The following RORA variants were observed in gnomAD, a reference collection of about 807,000 sequenced individuals.
The protein encoded by RORA is RAR related orphan receptor A, also known as nuclear receptor ROR-alpha.
RORA carries 7 observed loss-of-function variants against 69.5 expected under a neutral mutation model. The ratio of observed to expected loss-of-function variants is 0.10; its 90% CI spans 0.06 to 0.19. The LOEUF is 0.19. RORA is among the 10% of genes least tolerant of loss of function. The pLI, the probability that RORA is intolerant of heterozygous loss-of-function variation, is 1.00. For synonymous variants in RORA, 261 were observed against 240.8 expected (o/e 1.08, Z -0.78); for missense variants, 457 against 663.0 (o/e 0.69, Z 3.41).
At chr15:60,695,890 G>C (rs537725748) in intron 1 of RORA, among the ~76,000 whole-genome samples, 23 of 152,174 alleles carry the variant, frequency 1.5e-4, no homozygotes, top group African/African-American at 5.1e-4. Context: ...TCAGTCAGGA[G>C]CATCAGTCGC....
intron 1 of RORA, among the ~76,000 whole-genome samples, chr15:61,038,520 A>G (rs1167988278): frequency 6.6e-6 from 1 of 152,238 alleles, no homozygotes; most frequent in Middle Eastern, 3.2e-3. Flanking sequence ...GTTATCAGCC[A>G]ATCAGTCATT....
At chr15:60,782,992 T>C (rs560766933) in intron 1 of RORA, among the ~76,000 whole-genome samples, 1 of 152,300 alleles carries the variant, frequency 6.6e-6, no homozygotes, top group South Asian at 2.1e-4. Flanking sequence ...GCTAAGGAAA[T>C]AATCTGACAG....
chr15:60,554,732 G>C (rs1188796398), intron 2 of RORA, among the ~76,000 whole-genome samples: 1 of 152,142 alleles, frequency 6.6e-6, no homozygotes, highest in Non-Finnish European at 1.5e-5. Flanking sequence ...GAAGCCACTA[G>C]GATCAACAGA....
chr15:60,556,552 G>C (rs1270756843), intron 2 of RORA, among the ~76,000 whole-genome samples: 1 of 152,150 alleles, frequency 6.6e-6, no homozygotes, highest in Non-Finnish European at 1.5e-5. Context: ...TGAGTGTCCA[G>C]GCTATTTTCT....
intron 1 of RORA, among the ~76,000 whole-genome samples, chr15:60,869,858 T>G (rs2073534532): frequency 6.6e-6 from 1 of 152,188 alleles, no homozygotes; most frequent in South Asian, 2.1e-4. Flanking sequence ...TGGTAGTGCA[T>G]CACTGTTCTT....
intron 1 of RORA, among the ~76,000 whole-genome samples, chr15:61,021,849 C>T (rs1045653311): frequency 2.0e-5 from 3 of 152,184 alleles, no homozygotes; most frequent in Non-Finnish European, 4.4e-5. Context: ...GCGGTTCTAG[C>T]CTCCAGGAGA....
intron 1 of RORA, among the ~76,000 whole-genome samples, chr15:61,059,289 C>G (rs145508317): frequency 6.6e-6 from 1 of 152,218 alleles, no homozygotes; most frequent in Non-Finnish European, 1.5e-5. Context: ...TCAAAACAAC[C>G]AAGATCCTTG....
intron 2 of RORA, among the ~76,000 whole-genome samples, chr15:60,565,805 T>C (rs1595984691): frequency 6.6e-6 from 1 of 152,324 alleles, no homozygotes; most frequent in South Asian, 2.1e-4. Flanking sequence ...ACACATCCTC[T>C]CAAAGAACCA....
intron 1 of RORA, among the ~76,000 whole-genome samples, chr15:60,981,391 A>T (rs891086075): frequency 2.0e-5 from 3 of 152,090 alleles, no homozygotes; most frequent in African/African-American, 7.2e-5. Flanking sequence ...TCTTCAAATC[A>T]TGGTTCTACC....
intron 2 of RORA, among the ~76,000 whole-genome samples, chr15:60,649,081 A>T (rs75139241): frequency 0.016 from 2,478 of 152,192 alleles, 80 homozygotes; most frequent in African/African-American, 0.057. Context: ...GTGACTCTGA[A>T]CACAGTATAA....
intron 1 of RORA, among the ~76,000 whole-genome samples, chr15:60,689,362 GC>G (rs1202593824): frequency 6.6e-6 from 1 of 152,192 alleles, no homozygotes; most frequent in Non-Finnish European, 1.5e-5. Context: ...CACTAAGGTG[GC>G]CCCGAGCTTC....
chr15:60,610,013 G>C (rs1312201138), intron 2 of RORA, among the ~76,000 whole-genome samples: 8 of 152,136 alleles, frequency 5.3e-5, no homozygotes, highest in Non-Finnish European at 1.2e-4. Context: ...CAGCTCGAGA[G>C]AGCCGTTTGA....
intron 1 of RORA, among the ~76,000 whole-genome samples, chr15:60,748,051 T>C (rs943093899): frequency 6.6e-6 from 1 of 152,186 alleles, no homozygotes; most frequent in Non-Finnish European, 1.5e-5. Flanking sequence ...GCTCGCCCCA[T>C]GGTCTTAATC....
At chr15:61,151,483 T>C (rs1407721173) in intron 1 of RORA, among the ~76,000 whole-genome samples, 1 of 152,224 alleles carries the variant, frequency 6.6e-6, no homozygotes, top group East Asian at 1.9e-4. Context: ...AATTTTTGGG[T>C]ACCAAATGAA....
chr15:60,516,151 ATATATATATTTATATATATATTT>A (rs1567052040), intron 3 of RORA, among the ~76,000 whole-genome samples: 1,160 of 39,560 alleles, frequency 0.029, 229 homozygotes, highest in East Asian at 0.054. Flanking sequence ...ATATATTTAT[ATATATATATTTATATATATATTT>A]ATATATATAT....
intron 1 of RORA, among the ~76,000 whole-genome samples, chr15:60,930,297 T>C (rs1483119682): frequency 6.6e-6 from 1 of 152,220 alleles, no homozygotes; most frequent in East Asian, 1.9e-4. Flanking sequence ...GAGTGTGCCC[T>C]ATTTAGTCAT....
At chr15:60,923,157 T>G (rs1422519270) in intron 1 of RORA, among the ~76,000 whole-genome samples, 1 of 152,214 alleles carries the variant, frequency 6.6e-6, no homozygotes, top group Non-Finnish European at 1.5e-5. Flanking sequence ...TGCCGTCCTC[T>G]GAAGTCTGAA....
rs200221848 is a variant in RORA at position 60,714,705 on chromosome 15, A to G, written c.167-36019T>C. Among the ~76,000 whole-genome samples the G allele has an allele frequency of 2.0e-5, 3 of 152,138 alleles. No homozygotes were observed. The East Asian group carries it at 5.8e-4, about 29-fold the overall frequency. ...AGAAGGATTTTTCTTCTTACATAGA[A>G]AATTTGTGTTTAAGGGGGATCTTGG... On this transcript the variant is annotated intron_variant, in intron 1 of 10. Coordinates refer to ENST00000335670, the MANE Select transcript of RORA (RefSeq NM_134261.3).
chr15:60,898,589 C>A (rs1228133616), intron 1 of RORA, among the ~76,000 whole-genome samples: 2 of 151,880 alleles, frequency 1.3e-5, no homozygotes, highest in Non-Finnish European at 2.9e-5. Flanking sequence ...GTCCCAGCTA[C>A]CCTGGAGGCT....
Sources: gnomAD v4.1 joint callset for allele counts (sites outside exome capture counted in the v4.1 genomes callset) on GRCh38, gnomAD v4.1.1 for gene constraint, MANE v1.5 for transcripts, NCBI Gene and HGNC (gene_info 2026-07-23, HGNC 2026-07-21) for gene names.